Variants in TLE1 observed in about 807,000 individuals in gnomAD.
TLE1 encodes transducin-like enhancer protein 1.
A neutral mutation model predicts 89.8 loss-of-function variants in TLE1; 21 were observed. The ratio of observed to expected loss-of-function variants is 0.23; its 90% CI spans 0.17 to 0.34. The LOEUF is 0.34. Ranked by LOEUF, TLE1 falls within the 10% of genes least tolerant of loss-of-function variation. The pLI is 1.00. For synonymous variants in TLE1, 447 were observed against 407.6 expected (o/e 1.10, Z -1.16); for missense variants, 795 against 1,031.2 (o/e 0.77, Z 3.14).
At chr9:81,646,307 C>A (rs7853703) in intron 6 of TLE1, among the ~76,000 whole-genome samples, 1 of 151,960 alleles carries the variant, frequency 6.6e-6, no homozygotes, top group African/African-American at 2.4e-5. Context: ...AAAGGAGAAA[C>A]GGACTGCGAA....
intron 4 of TLE1, among the ~76,000 whole-genome samples, chr9:81,674,402 A>G (rs1307139587): frequency 6.6e-6 from 1 of 152,130 alleles, no homozygotes; most frequent in Non-Finnish European, 1.5e-5. Flanking sequence ...AGCAACCGGA[A>G]GGCCACAGCA....
intron 4 of TLE1, among the ~76,000 whole-genome samples, chr9:81,684,577 T>C (rs1834025266): frequency 6.6e-6 from 1 of 152,218 alleles, no homozygotes; most frequent in South Asian, 2.1e-4. Context: ...AAGGAAGATC[T>C]GAAGGCTGAA....
intron 9 of TLE1, among the ~76,000 whole-genome samples, 164 bp from the exon 10 acceptor site, chr9:81,616,863 T>A (rs531574900): frequency 1.3e-5 from 2 of 152,316 alleles, no homozygotes; most frequent in South Asian, 4.1e-4. Context: ...ATTATTATCA[T>A]CTTCCCCCTC....
chr9:81,597,589 CCA>C, intron 14 of TLE1, among the ~76,000 whole-genome samples: 1 of 152,264 alleles, frequency 6.6e-6, no homozygotes, highest in East Asian at 1.9e-4. Context: ...ACAGCGAAGC[CCA>C]CCTGCATCTC....
intron 10 of TLE1, 140 bp downstream of exon 10, chr9:81,616,506 C>A: frequency 1.3e-6 from 1 of 770,100 alleles, no homozygotes; most frequent in Non-Finnish European, 2.1e-6. Flanking sequence ...CATACATGAG[C>A]AACCATTAAC....
chr9:81,590,116 C>A (rs924494208), intron 16 of TLE1, among the ~76,000 whole-genome samples: 9 of 152,356 alleles, frequency 5.9e-5, no homozygotes, highest in Admixed American at 2.0e-4. Context: ...TTTTACCTTT[C>A]ATGTTTCATT....
intron 4 of TLE1, among the ~76,000 whole-genome samples, chr9:81,675,708 G>GT (rs61458315): frequency 0.018 from 2,349 of 132,310 alleles, 86 homozygotes; most frequent in African/African-American, 0.021. Context: ...GTTTTTTTTT[G>GT]TTTTTTTTTT....
At chr9:81,602,845 A>C (rs1032653327) in intron 14 of TLE1, among the ~76,000 whole-genome samples, 1 of 152,158 alleles carries the variant, frequency 6.6e-6, no homozygotes, top group Non-Finnish European at 1.5e-5. Flanking sequence ...TAAAAAAAAA[A>C]CGAGTTAAAT....
intron 7 of TLE1, 50 bp from the exon 8 acceptor site, chr9:81,633,414 G>A: frequency 6.2e-7 from 1 of 1,613,666 alleles, no homozygotes; most frequent in Non-Finnish European, 8.5e-7. Context: ...TTCAGACACA[G>A]AGGCAAGAAC....
At chr9:81,604,710 G>A (rs374832161) in intron 14 of TLE1, among the ~76,000 whole-genome samples, 2 of 152,106 alleles carry the variant, frequency 1.3e-5, no homozygotes, top group Admixed American at 6.5e-5. Context: ...GGGACATTAA[G>A]GTCCCTCCTG....
intron 15 of TLE1, among the ~76,000 whole-genome samples, chr9:81,592,040 T>C (rs1480230839): frequency 1.3e-5 from 2 of 152,172 alleles, no homozygotes. Context: ...GTATGTGCTC[T>C]GTAAATCCTG....
chr9:81,632,912 A>G (rs2132344343), intron 8 of TLE1, among the ~76,000 whole-genome samples: 1 of 152,370 alleles, frequency 6.6e-6, no homozygotes, highest in Admixed American at 6.5e-5. Flanking sequence ...ATGGTACATT[A>G]CTAACCAACT....
At chr9:81,672,009 C>T (rs1222619960) in intron 4 of TLE1, among the ~76,000 whole-genome samples, 1 of 152,142 alleles carries the variant, frequency 6.6e-6, no homozygotes, top group Non-Finnish European at 1.5e-5. Flanking sequence ...GGCCAACTGG[C>T]AGGCTAGGGG....
intron 14 of TLE1, among the ~76,000 whole-genome samples, chr9:81,603,889 C>T (rs1177186167): frequency 2.6e-5 from 4 of 152,076 alleles, no homozygotes; most frequent in South Asian, 2.1e-4. Context: ...GTAATCCCAG[C>T]GACTCGGGAG....
At chr9:81,605,475 G>C (rs1276444351) in intron 14 of TLE1, among the ~76,000 whole-genome samples, 1 of 152,106 alleles carries the variant, frequency 6.6e-6, no homozygotes, top group East Asian at 1.9e-4. Context: ...ACCATAAATA[G>C]TTTGAGCAGC....
intron 16 of TLE1, among the ~76,000 whole-genome samples, chr9:81,588,983 C>G (rs531875863): frequency 6.6e-6 from 1 of 152,274 alleles, no homozygotes; most frequent in East Asian, 1.9e-4. Context: ...AAGACGTGAA[C>G]CATCACTTTT....
At chr9:81,620,619 A>C in intron 8 of TLE1, 62 bp from the exon 9 acceptor site, 1 of 1,565,094 alleles carries the variant, frequency 6.4e-7, no homozygotes, top group Non-Finnish European at 8.6e-7. Flanking sequence ...CATGAAACCC[A>C]ACCTCGATGT....
In TLE1 at chr9:81,589,182, A is replaced by G. The variant is rs1271973523; in HGVS notation, c.1830-1354T>C. The stretch of plus-strand genomic sequence containing the variant: ...AGTGTTGCTTTCCTTCCCTTCAAAC[A>G]GCTCTGGAAATCCAGTGACCCTCTG... On this transcript the variant is annotated intron_variant, in intron 16 of 19. Coordinates refer to ENST00000376499, the MANE Select transcript of TLE1 (RefSeq NM_005077.5). Among the ~76,000 whole-genome samples, 5 of 152,112 alleles carry G rather than the reference A, an allele frequency of 3.3e-5. No individual in the cohort carries two copies. The South Asian group carries it at 8.3e-4, about 25-fold the overall frequency.
intron 6 of TLE1, 56 bp from the exon 7 acceptor site, chr9:81,634,357 C>T (rs1827102202): frequency 7.3e-7 from 1 of 1,375,854 alleles, no homozygotes; most frequent in Admixed American, 2.7e-5. Flanking sequence ...GTAGTGGTGA[C>T]AGTGATGGCG....
Sources: allele counts gnomAD v4.1 joint callset (sites outside exome capture counted in the v4.1 genomes callset), GRCh38; gene constraint gnomAD v4.1.1; transcripts MANE v1.5; gene names NCBI Gene and HGNC (gene_info 2026-07-23, HGNC 2026-07-21).